The following ORC3 variants were observed in gnomAD, a reference collection of about 807,000 sequenced individuals.
ORC3 encodes homolog of latheo, Drosophila.
ORC3 carries 78 observed loss-of-function variants against 100.7 expected under a neutral mutation model. The ratio of observed to expected loss-of-function variants is 0.77; its 90% confidence interval spans 0.65 to 0.94. The LOEUF (loss-of-function observed/expected upper bound fraction) is 0.94. Ranked by LOEUF, ORC3 falls within the 40% of genes least tolerant of loss-of-function variation. The pLI is 0.00. For missense variants in ORC3, 789 were observed against 823.9 expected (o/e 0.96, Z 0.52); for synonymous variants, 295 against 289.3 (o/e 1.02, Z -0.20).
At chr6:87,630,621 T>C (rs1252363599) in intron 11 of ORC3, among the ~76,000 whole-genome samples, 2 of 152,112 alleles carry the variant, frequency 1.3e-5, no homozygotes, top group Non-Finnish European at 2.9e-5. Flanking sequence ...CTGTTAGTGA[T>C]AAGTGCTGAG....
At chr6:87,640,440 A>C (rs1768159712) in intron 13 of ORC3, among the ~76,000 whole-genome samples, 1 of 152,232 alleles carries the variant, frequency 6.6e-6, no homozygotes, top group African/African-American at 2.4e-5. Context: ...ACATGAGCTC[A>C]GTGGTTCTGC....
the ORC3 span, among the ~76,000 whole-genome samples, chr6:87,676,283 T>C: frequency 6.8e-6 from 1 of 148,122 alleles, no homozygotes; most frequent in African/African-American, 2.5e-5. Flanking sequence ...GCTAACACGG[T>C]GAAACCCCAT....
intron 5 of ORC3, 69 bp from the exon 6 acceptor site, chr6:87,607,604 G>T (rs1195900159): frequency 7.6e-7 from 1 of 1,320,020 alleles, no homozygotes; most frequent in Non-Finnish European, 1.0e-6. Context: ...TCAGCAAGAA[G>T]TTTCAAGAGC....
At chr6:87,630,733 G>A (rs1386759212) in intron 11 of ORC3, among the ~76,000 whole-genome samples, 1 of 152,180 alleles carries the variant, frequency 6.6e-6, no homozygotes, top group East Asian at 1.9e-4. Context: ...TAAATTTTGA[G>A]TAAAGACCTA....
At chr6:87,628,221 C>T (rs897043846) in intron 11 of ORC3, among the ~76,000 whole-genome samples, 4 of 152,254 alleles carry the variant, frequency 2.6e-5, no homozygotes, top group African/African-American at 9.6e-5. Context: ...CTAATGCATG[C>T]GGGGCTTAAT....
intron 11 of ORC3, among the ~76,000 whole-genome samples, chr6:87,634,247 T>C (rs55985738): frequency 6.6e-6 from 1 of 152,056 alleles, no homozygotes; most frequent in Non-Finnish European, 1.5e-5. Context: ...TCTTTTTTTT[T>C]TCTTAATTGG....
intron 6 of ORC3, among the ~76,000 whole-genome samples, chr6:87,608,737 C>A (rs946772795): frequency 6.6e-6 from 1 of 151,530 alleles, no homozygotes; most frequent in Admixed American, 6.6e-5. Context: ...ATATTTTTTT[C>A]ATTAAAAATA....
the ORC3 span, among the ~76,000 whole-genome samples, chr6:87,673,580 C>T: frequency 1.7e-4 from 26 of 152,240 alleles, 1 homozygote; most frequent in South Asian, 3.7e-3. Context: ...CAGTGGCTCA[C>T]GCCTGTAATC....
downstream of ORC3, among the ~76,000 whole-genome samples, chr6:87,668,529 C>G (rs1770764187): frequency 6.6e-6 from 1 of 152,122 alleles, no homozygotes; most frequent in East Asian, 1.9e-4. Flanking sequence ...GATATTCAGC[C>G]TGCATAATCA....
chr6:87,598,288 G>A (rs368357732), intron 2 of ORC3, among the ~76,000 whole-genome samples: 3 of 152,236 alleles, frequency 2.0e-5, no homozygotes, highest in Admixed American at 6.5e-5. Context: ...CTCCCAAAGC[G>A]CTGGGATTAT....
chr6:87,609,121 A>T lies in ORC3; in HGVS notation c.605A>T (p.Lys202Ile), dbSNP rs755486842. 1 of 1,604,634 alleles carries T rather than the reference A, an allele frequency of 6.2e-7. No homozygotes were observed. The highest frequency in any genetic ancestry group is 1.8e-5 in the Admixed American group (1 of 56,720). The change falls in exon 7 of 20, where the codon AAA becomes ATA. Residue 202 changes from lysine (K) to isoleucine (I), a missense_variant. By Grantham distance (102) the Lys-to-Ile change is moderately radical (BLOSUM62 -3). This residue lies in a region of ORC3 where 399 missense variants were observed against 382.0 expected (regional missense o/e 1.04). Transcript: ENST00000392844. ...AAGACGGACCCAAAAATGCTAAGCAAAAAAAGGACTACTTCTAGCCAATGG... is the reference window on the plus strand; with the variant it reads ...AAGACGGACCCAAAAATGCTAAGCATAAAAAGGACTACTTCTAGCCAATGG... ...TQKTDPKMLS[K>I]KRTTSSQWQS...
chr6:87,638,036 ACTTCAAAGCTGTTATAC>A (rs1455161806), intron 13 of ORC3, among the ~76,000 whole-genome samples: 12 of 152,336 alleles, frequency 7.9e-5, no homozygotes, highest in African/African-American at 2.9e-4. Flanking sequence ...TCCAGGTCTG[ACTTCAAAGCTGTTATAC>A]CTTCTGCTTT....
At chr6:87,609,560 C>A in intron 7 of ORC3, 1 of 152,996 alleles carries the variant, frequency 6.5e-6, no homozygotes, top group Non-Finnish European at 1.4e-5. Context: ...TTGTTTTTTT[C>A]TTTTTTTTTT....
downstream of ORC3, among the ~76,000 whole-genome samples, chr6:87,669,688 C>A (rs555760373): frequency 3.3e-5 from 5 of 152,296 alleles, no homozygotes; most frequent in East Asian, 5.8e-4. Flanking sequence ...TATTTTTTCG[C>A]AATATTCTAG....
chr6:87,603,269 G>T, intron 3 of ORC3, 115 bp from the exon 4 acceptor site: 1 of 555,130 alleles, frequency 1.8e-6, no homozygotes, highest in Non-Finnish European at 2.9e-6. Context: ...TTTTAATTAG[G>T]TTCATCTTTT....
intron 16 of ORC3, among the ~76,000 whole-genome samples, chr6:87,659,849 T>G (rs946577340): frequency 2.7e-5 from 4 of 150,500 alleles, no homozygotes; most frequent in Middle Eastern, 3.2e-3. Flanking sequence ...ACCACTGCAC[T>G]CCAGCCTAGG....
chr6:87,643,744 T>C (rs1009360317), intron 13 of ORC3, among the ~76,000 whole-genome samples: 1 of 152,206 alleles, frequency 6.6e-6, no homozygotes, highest in African/African-American at 2.4e-5. Flanking sequence ...TTTTCTTTCT[T>C]TCTTGTGAAC....
intron 19 of ORC3, 132 bp from the exon 20 acceptor site, chr6:87,666,886 G>C: frequency 1.7e-6 from 1 of 576,186 alleles, no homozygotes. Flanking sequence ...TCCAGTAACA[G>C]TTATAGTTTA....
chr6:87,621,132 A>G (rs1779501620), intron 9 of ORC3, among the ~76,000 whole-genome samples: 1 of 152,150 alleles, frequency 6.6e-6, no homozygotes, highest in Non-Finnish European at 1.5e-5. Context: ...TGTATTTCAA[A>G]GATTACCATT....
Sources: allele counts gnomAD v4.1 joint callset (sites outside exome capture counted in the v4.1 genomes callset), GRCh38; gene constraint gnomAD v4.1.1; regional missense constraint gnomAD v4.1.1; transcripts MANE v1.5; gene names NCBI Gene and HGNC (gene_info 2026-07-23, HGNC 2026-07-21).